URI1: variants seen among roughly 807,000 people sequenced by gnomAD.
URI1 encodes the protein unconventional prefoldin RPB5 interactor 1.
URI1 carries 39 observed loss-of-function variants against 60.2 expected under a neutral mutation model. The observed-to-expected ratio is 0.65, with a 90% CI of 0.50 to 0.85. The LOEUF (loss-of-function observed/expected upper bound fraction) is 0.85. Ranked by LOEUF, URI1 falls within the 40% of genes least tolerant of loss-of-function variation. The pLI is 0.00. For missense variants in URI1, 691 were observed against 665.9 expected, an observed-to-expected ratio of 1.04 and a Z score of -0.42; for synonymous variants, 251 against 236.8, an observed-to-expected ratio of 1.06 and a Z score of -0.55.
At chr19:29,932,654 CT>C (rs34146888) in intron 1 of URI1, among the ~76,000 whole-genome samples, 46 of 131,492 alleles carry the variant, frequency 3.5e-4, no homozygotes, top group Non-Finnish European at 4.1e-4. Flanking sequence ...CCCTTCATTC[CT>C]TTTTTTTTTT....
chr19:30,006,632 G>T (rs1036891954), intron 6 of URI1, among the ~76,000 whole-genome samples: 27 of 152,028 alleles, frequency 1.8e-4, no homozygotes, highest in African/African-American at 6.0e-4. Context: ...AACATAATTT[G>T]ATATTTTCAG....
At chr19:29,991,853 A>G (rs1045038447) in intron 4 of URI1, among the ~76,000 whole-genome samples, 9 of 152,088 alleles carry the variant, frequency 5.9e-5, no homozygotes, top group Admixed American at 2.0e-4. Flanking sequence ...TTCTGCATCT[A>G]TTGATATGAT....
At chr19:29,953,746 GTGA>G (rs1447127555) in intron 1 of URI1, among the ~76,000 whole-genome samples, 2 of 151,528 alleles carry the variant, frequency 1.3e-5, no homozygotes, top group Non-Finnish European at 2.9e-5. Flanking sequence ...AATTACTAAG[GTGA>G]TGATGAAATG....
Position 30,015,634 on chromosome 19 carries a change from G to T in URI1, c.*565G>T. 2 of 1,453,690 alleles carry T rather than the reference G, an allele frequency of 1.4e-6. No individual in the cohort carries two copies. The highest frequency in any genetic ancestry group is 1.8e-6 in the Non-Finnish European group (2 of 1,097,080). 90.0% of individuals were successfully genotyped at this position (1,453,690 alleles called of 1,614,324 possible). On this transcript the variant is annotated 3_prime_UTR_variant, in exon 11 of 11. Transcript: ENST00000392271. ...CTACATGAATTAATTGTACTCTATG[G>T]GAAAATTTCTTTGGAAAGATATTTT...
chr19:29,998,342 T>A (rs948101111), intron 4 of URI1, among the ~76,000 whole-genome samples: 1 of 152,160 alleles, frequency 6.6e-6, no homozygotes, highest in Non-Finnish European at 1.5e-5. Flanking sequence ...GTCTATTAGG[T>A]CTAATTGGTC....
At chr19:29,924,710 C>T (rs1461574306) in intron 1 of URI1, among the ~76,000 whole-genome samples, 1 of 152,250 alleles carries the variant, frequency 6.6e-6, no homozygotes, top group South Asian at 2.1e-4. Context: ...GCAACAGCAG[C>T]ACACTGACCA....
Position 30,014,965 on chromosome 19 carries a change from C to T in URI1, c.1504C>T (p.Leu502=). The change falls in exon 11 of 11, where the codon CTA becomes TTA. Residue 502 remains leucine, a synonymous_variant. Transcript: ENST00000392271. ...ACCCCCAGCCATTGCTCATCCCGCA[C>T]TACCCACTATTCCAGAACGAAAGGA... The part of the protein sequence containing the change: ...TPPPAIAHPA[L]PTIPERKEVL... The T allele has an allele frequency of 6.2e-7, 1 of 1,613,854 alleles. No individual in the cohort carries two copies. The highest frequency in any genetic ancestry group is 8.5e-7 in the Non-Finnish European group (1 of 1,179,804).
In URI1 at chr19:29,942,663, A is replaced by C. The variant is rs1460919277; in HGVS notation, c.116A>C (p.Lys39Thr). The change falls in exon 1 of 11, where the codon AAG becomes ACG. Residue 39 changes from lysine (K) to threonine (T), a missense_variant and splice_region_variant. Physicochemically the swap from Lys to Thr is moderately conservative, Grantham distance 78. Transcript: ENST00000392271. The part of the protein sequence containing the change: ...DVARLREEQE[K>T]VVTNCQERIQ... ...GCGCGGCTGCGCGAGGAGCAGGAAA[A>C]GGTAACTAGCAGCCCCGCGCCGCTT... The C allele has an allele frequency of 2.8e-6, 4 of 1,430,992 alleles. No homozygotes were observed. In the African/African-American group the frequency reaches 5.9e-5, roughly 21 times the overall value. 88.6% of individuals were successfully genotyped at this position (1,430,992 alleles called of 1,614,324 possible). A position where few individuals can be genotyped will look rare whatever the true frequency, so the allele number is the denominator to read the frequency against.
rs3840928 is a variant in URI1, at chr19:30,009,211, G to GTGATGATGA, written c.912_920dup (p.Asp309_Asp311dup). On this transcript the variant is annotated inframe_insertion, in exon 8 of 11. Coordinates refer to ENST00000392271, the MANE Select transcript of URI1 (RefSeq NM_003796.3). ...GTGAATGGTTCCAGTTCTTACCACA[G>GTGATGATGA]TGATGATGATGATGATGATGATGAT... is the stretch of plus-strand genomic sequence containing the variant. 7 of 1,541,348 alleles carry GTGATGATGA rather than the reference G, an allele frequency of 4.5e-6. No individual in the cohort carries two copies. The highest frequency in any genetic ancestry group is 6.2e-6 in the Non-Finnish European group (7 of 1,123,508).
chr19:30,014,818 A>G, intron 10 of URI1, 69 bp from the exon 11 acceptor site: 1 of 1,444,764 alleles, frequency 6.9e-7, no homozygotes. Flanking sequence ...TTGCCAAATG[A>G]GTGAATGGGA....
intron 1 of URI1, among the ~76,000 whole-genome samples, chr19:29,928,549 G>A (rs1007389046): frequency 1.3e-5 from 2 of 152,122 alleles, no homozygotes; most frequent in South Asian, 4.1e-4. Context: ...CAGGGACTTT[G>A]AAATCAGTGT....
At chr19:29,994,589 C>T (rs1046137837) in intron 4 of URI1, among the ~76,000 whole-genome samples, 5 of 151,928 alleles carry the variant, frequency 3.3e-5, no homozygotes, top group African/African-American at 1.2e-4. Flanking sequence ...TGTTGTAGCA[C>T]GTGTCAGAAT....
intron 2 of URI1, among the ~76,000 whole-genome samples, chr19:29,975,273 C>T (rs1279428273): frequency 6.6e-6 from 1 of 152,074 alleles, no homozygotes; most frequent in Non-Finnish European, 1.5e-5. Flanking sequence ...TTTGCCTATC[C>T]CATCTCCAGT....
chr19:29,952,316 A>G (rs1022680782), intron 1 of URI1, among the ~76,000 whole-genome samples: 6 of 152,252 alleles, frequency 3.9e-5, no homozygotes, highest in Admixed American at 6.5e-5. Flanking sequence ...TCTTAGAACA[A>G]TGAGATTATC....
chr19:30,007,643 T>G lies in URI1; in HGVS notation c.686+5T>G. ...ATTGCTGGGTGAACTTGATAGGTAC[T>G]TGATGACAAATTATCTTTCCAAGAT... On this transcript the variant is annotated splice_donor_5th_base_variant and intron_variant, in intron 7 of 10. Coordinates refer to ENST00000392271, the MANE Select transcript of URI1 (RefSeq NM_003796.3). 1 of 1,578,438 alleles carries G rather than the reference T, an allele frequency of 6.3e-7. No homozygotes were observed. The highest frequency in any genetic ancestry group is 8.6e-7 in the Non-Finnish European group (1 of 1,165,624).
upstream of URI1, chr19:29,937,650 G>C (rs139852005): frequency 2.0e-4 from 31 of 152,320 alleles, no homozygotes; most frequent in African/African-American, 7.5e-4. Context: ...CAGGCAACCA[G>C]TGACCTGGAA....
In URI1 at chr19:29,958,320, A is replaced by G. The variant is rs537983066; in HGVS notation, c.118-12873A>G. Among the ~76,000 whole-genome samples the G allele has an allele frequency of 3.5e-3, 536 of 152,272 alleles. 3 individuals are homozygous for G. The highest frequency in any genetic ancestry group is 0.013 in the African/African-American group (521 of 41,556). On this transcript the variant is annotated intron_variant, in intron 1 of 10. Coordinates refer to ENST00000392271, the MANE Select transcript of URI1 (RefSeq NM_003796.3). ...ATTGGGCTTTACATACCAGGAGGGC[A>G]GTTTTAAGTATTTCACCATACAGAT... is the stretch of plus-strand genomic sequence containing the variant.
chr19:29,957,022 A>G (rs2055257506), intron 1 of URI1: 1 of 642,484 alleles, frequency 1.6e-6, no homozygotes, highest in South Asian at 1.8e-5. Flanking sequence ...AAAGTGGCCC[A>G]GAGTAGTCTT....
chr19:29,935,054 C>T (rs1222393050), intron 1 of URI1, among the ~76,000 whole-genome samples: 3 of 152,134 alleles, frequency 2.0e-5, no homozygotes, highest in Non-Finnish European at 4.4e-5. Context: ...TATTTAATAG[C>T]TATTTGCTTT....
Sources: gnomAD v4.1 joint callset for allele counts (sites outside exome capture counted in the v4.1 genomes callset) on GRCh38, gnomAD v4.1.1 for gene constraint, MANE v1.5 for transcripts, NCBI Gene and HGNC (gene_info 2026-07-23, HGNC 2026-07-21) for gene names.